MPDZ: variants seen among roughly 807,000 people sequenced by gnomAD.
MPDZ encodes the protein multiple PDZ domain protein.
In MPDZ, 234 loss-of-function variants were observed where a neutral mutation model predicts 239.1. The observed-to-expected ratio is 0.98, with a 90% CI of 0.88 to 1.09. The LOEUF (loss-of-function observed/expected upper bound fraction) is 1.09. Among genes scored for constraint, MPDZ ranks in the 50% least tolerant of loss-of-function variants. MPDZ has a pLI of 0.00. For missense variants in MPDZ, 3,175 were observed against 2,510.0 expected (o/e 1.26, Z -5.66); for synonymous variants, 1,048 against 881.3 (o/e 1.19, Z -3.35).
Position 13,136,137 on chromosome 9 carries a change from T to C in MPDZ, c.4338A>G (p.Ala1446=). The C allele has an allele frequency of 1.2e-6, 2 of 1,613,150 alleles. No individual in the cohort carries two copies. Among genetic ancestry groups the C allele is most frequent in the Non-Finnish European group, 1.7e-6 (2 of 1,179,520 alleles). ...CTGAGTTAGAAGGCAAAGGTTCTAC[T>C]GCATTTCCAGGACATACGGCCATCT... ...VNQMAVCPGN[A]VEPLPSNSEN... Residue 1446 remains alanine (A), a synonymous_variant, in exon 31 of 47, where the codon GCA becomes GCG. Coordinates refer to ENST00000319217, the MANE Select transcript of MPDZ (RefSeq NM_001378778.1).
At chr9:13,265,422 AG>A (rs531604716) in intron 1 of MPDZ, among the ~76,000 whole-genome samples, 60 of 152,298 alleles carry the variant, frequency 3.9e-4, no homozygotes, top group Non-Finnish European at 7.2e-4. Context: ...ATACAAAATT[AG>A]CCAGGTGTGG....
chr9:13,197,764 C>T (rs1439707438), intron 12 of MPDZ, among the ~76,000 whole-genome samples: 3 of 151,900 alleles, frequency 2.0e-5, no homozygotes, highest in Admixed American at 6.6e-5. Flanking sequence ...CCTCCTCAAA[C>T]TCTTCCAAGC....
intron 3 of MPDZ, among the ~76,000 whole-genome samples, chr9:13,244,206 T>G (rs180823337): frequency 1.3e-5 from 2 of 152,330 alleles, no homozygotes; most frequent in Admixed American, 1.3e-4. Context: ...CCACCTATAC[T>G]GGACTGGAGA....
intron 1 of MPDZ, among the ~76,000 whole-genome samples, chr9:13,250,869 C>A (rs1040582021): frequency 1.8e-4 from 27 of 152,052 alleles, no homozygotes; most frequent in African/African-American, 6.3e-4. Flanking sequence ...TGGCTCACAT[C>A]TTTAATCCCA....
At chr9:13,216,718 G>T (rs559399335) in intron 10 of MPDZ, 56 bp downstream of exon 10, 4 of 1,313,994 alleles carry the variant, frequency 3.0e-6, no homozygotes, top group African/African-American at 2.9e-5. Flanking sequence ...TAAACTAGGA[G>T]AATACAATTC....
At chr9:13,114,855 G>C (rs993237431) in intron 40 of MPDZ, among the ~76,000 whole-genome samples, 48 of 151,954 alleles carry the variant, frequency 3.2e-4, no homozygotes, top group Non-Finnish European at 6.2e-4. Flanking sequence ...AGCTGAGATT[G>C]TGCCACTGCA....
chr9:13,223,978 G>C (rs1013263214), intron 4 of MPDZ, among the ~76,000 whole-genome samples: 2 of 151,930 alleles, frequency 1.3e-5, no homozygotes, highest in African/African-American at 4.8e-5. Flanking sequence ...GGACTGTAGT[G>C]AGCTATGATC....
chr9:13,215,518 T>C (rs1360707112), intron 10 of MPDZ, among the ~76,000 whole-genome samples: 1 of 151,306 alleles, frequency 6.6e-6, no homozygotes, highest in East Asian at 2.0e-4. Flanking sequence ...GTGTGAATAA[T>C]ATTGCTATGA....
rs575108192 is a variant in MPDZ, at chr9:13,213,626, G to GT, written c.1290+3147dup. Among the ~76,000 whole-genome samples the GT allele has an allele frequency of 6.8e-4, 104 of 152,170 alleles. 3 individuals carry two copies. In the South Asian group the frequency reaches 0.021, roughly 31 times the overall value. On this transcript the variant is annotated intron_variant, in intron 10 of 46. Transcript: ENST00000319217. ...AGGAATTTAAAATGCTTATATCTTT[G>GT]TAGTAAAAGAATGTTTGCTAAAAAT...
intron 21 of MPDZ, among the ~76,000 whole-genome samples, chr9:13,171,908 C>A (rs192646723): frequency 6.6e-6 from 1 of 152,258 alleles, no homozygotes; most frequent in African/African-American, 2.4e-5. Context: ...TGATAGACCT[C>A]TTCATAATAT....
chr9:13,226,395 A>G (rs934282597), intron 3 of MPDZ, among the ~76,000 whole-genome samples: 57 of 152,078 alleles, frequency 3.7e-4, no homozygotes, highest in Non-Finnish European at 1.6e-4. Flanking sequence ...CTTATCAGAA[A>G]GCTTACTTCA....
chr9:13,253,661 A>G (rs944702156), intron 1 of MPDZ, among the ~76,000 whole-genome samples: 1 of 152,220 alleles, frequency 6.6e-6, no homozygotes, highest in African/African-American at 2.4e-5. Flanking sequence ...CTTAAAGAAG[A>G]TCCAACATGT....
rs1330443371 is a variant in MPDZ at position 13,106,202 on chromosome 9, T to TA, written c.*762dup. 6.6e-6 allele frequency: 1 copy of TA among 152,154 alleles called. No homozygotes were observed. The highest frequency in any genetic ancestry group is 2.4e-5 in the African/African-American group (1 of 41,450). 9.4% of individuals were successfully genotyped at this position (152,154 alleles called of 1,614,324 possible). A position where few individuals can be genotyped will look rare whatever the true frequency, so the allele number is the denominator to read the frequency against. The stretch of plus-strand genomic sequence containing the variant: ...GCATAGTTGCTTTCTAGAAAAACCA[T>TA]AGTCAACATGGGGTGGCATCATCAT... On this transcript the variant is annotated 3_prime_UTR_variant, in exon 47 of 47. Transcript: ENST00000319217.
Position 13,216,009 on chromosome 9 carries a change from C to A in MPDZ, c.1290+765G>T, listed in dbSNP as rs138993765. ...CCTGTGTTGGGATTACAGGCATGAG[C>A]CACCAGCTCAGTGAAGACACCCAGC... On this transcript the variant is annotated intron_variant, in intron 10 of 46. Coordinates refer to ENST00000319217, the MANE Select transcript of MPDZ (RefSeq NM_001378778.1). Among the ~76,000 whole-genome samples the A allele has an allele frequency of 6.8e-5, 10 of 147,414 alleles. No homozygotes were observed. In the East Asian group the frequency reaches 2.0e-3, roughly 30 times the overall value.
At chr9:13,139,023 C>T (rs1187583851) in intron 28 of MPDZ, among the ~76,000 whole-genome samples, 8 of 152,214 alleles carry the variant, frequency 5.3e-5, no homozygotes, top group Non-Finnish European at 1.5e-5. Flanking sequence ...ATTCTGACCA[C>T]ATTGATTGTT....
At chr9:13,234,229 TATG>T (rs1225094694) in intron 3 of MPDZ, among the ~76,000 whole-genome samples, 9 of 152,106 alleles carry the variant, frequency 5.9e-5, no homozygotes, top group African/African-American at 9.7e-5. Context: ...CATATAACAA[TATG>T]ATAATGCACT....
chr9:13,134,137 C>T (rs190318933), intron 31 of MPDZ: 15 of 187,692 alleles, frequency 8.0e-5, no homozygotes, highest in African/African-American at 2.1e-4. Flanking sequence ...AAAATACTTA[C>T]GAGGTGTAAC....
At chr9:13,265,547 C>A (rs542561338) in intron 1 of MPDZ, among the ~76,000 whole-genome samples, 16 of 152,130 alleles carry the variant, frequency 1.1e-4, no homozygotes, top group African/African-American at 3.6e-4. Flanking sequence ...CCAGCCCAGG[C>A]AACAAGAGCG....
intron 22 of MPDZ, chr9:13,165,385 T>A (rs1209283814): frequency 1.3e-6 from 2 of 1,549,612 alleles, no homozygotes; most frequent in East Asian, 4.9e-5. Flanking sequence ...GGGGGCTCGA[T>A]CGTCAGCAGG....
Sources: allele counts gnomAD v4.1 joint callset (sites outside exome capture counted in the v4.1 genomes callset), GRCh38; gene constraint gnomAD v4.1.1; transcripts MANE v1.5; gene names NCBI Gene and HGNC (gene_info 2026-07-23, HGNC 2026-07-21).